The following LSAMP variants were observed in gnomAD, a reference collection of about 807,000 sequenced individuals.
LSAMP encodes limbic system associated membrane protein.
LSAMP carries 7 observed loss-of-function variants against 38.6 expected under a neutral mutation model. The ratio of observed to expected loss-of-function variants is 0.18; its 90% CI spans 0.10 to 0.34. LSAMP has a LOEUF of 0.34. LSAMP is among the 10% of genes least tolerant of loss of function. The pLI is 1.00. For synonymous variants in LSAMP, 154 were observed against 166.8 expected (o/e 0.92, Z 0.59); for missense variants, 313 against 420.0 (o/e 0.75, Z 2.23).
At chr3:116,366,058 A>T (rs2048349205) in intron 1 of LSAMP, among the ~76,000 whole-genome samples, 1 of 145,996 alleles carries the variant, frequency 6.8e-6, no homozygotes, top group African/African-American at 2.5e-5. Flanking sequence ...GCACAGCAAA[A>T]GAAACTATCA....
intron 1 of LSAMP, among the ~76,000 whole-genome samples, chr3:116,139,895 C>G (rs1251099730): frequency 6.6e-6 from 1 of 151,962 alleles, no homozygotes; most frequent in Non-Finnish European, 1.5e-5. Context: ...AGTATCTTGT[C>G]TGTGGTTCTT....
chr3:115,992,729 T>C (rs1403169298), intron 3 of LSAMP, among the ~76,000 whole-genome samples: 1 of 152,120 alleles, frequency 6.6e-6, no homozygotes, highest in Non-Finnish European at 1.5e-5. Flanking sequence ...AGGGTAATAA[T>C]AGAATATATT....
intron 3 of LSAMP, among the ~76,000 whole-genome samples, chr3:115,883,326 A>G (rs1936369948): frequency 6.6e-6 from 1 of 152,012 alleles, no homozygotes. Flanking sequence ...ACAGAAAGGT[A>G]AATAGAAGAA....
At chr3:116,440,211 A>T (rs1410523953) in intron 1 of LSAMP, among the ~76,000 whole-genome samples, 1 of 152,178 alleles carries the variant, frequency 6.6e-6, no homozygotes, top group Non-Finnish European at 1.5e-5. Flanking sequence ...TGGAGGAGGG[A>T]TATCTCTGAG....
intron 1 of LSAMP, among the ~76,000 whole-genome samples, chr3:116,305,859 C>T (rs1205891249): frequency 6.6e-6 from 1 of 151,586 alleles, no homozygotes. Flanking sequence ...TCTCTCATTC[C>T]CCAGTCTGAG....
intron 1 of LSAMP, among the ~76,000 whole-genome samples, chr3:116,422,668 T>C (rs527975510): frequency 2.6e-5 from 4 of 152,312 alleles, no homozygotes; most frequent in Non-Finnish European, 5.9e-5. Context: ...ATTGTGATGA[T>C]GGCTGCAAAA....
At chr3:116,396,457 C>T (rs1489746884) in intron 1 of LSAMP, among the ~76,000 whole-genome samples, 1 of 152,170 alleles carries the variant, frequency 6.6e-6, no homozygotes, top group Non-Finnish European at 1.5e-5. Flanking sequence ...TCTCCCATCT[C>T]TGAAGTGTTA....
intron 1 of LSAMP, among the ~76,000 whole-genome samples, chr3:116,379,703 A>G (rs2048533775): frequency 6.6e-6 from 1 of 152,042 alleles, no homozygotes; most frequent in Non-Finnish European, 1.5e-5. Flanking sequence ...ATATATTTAT[A>G]GGACCAGAGG....
chr3:115,834,615 G>T (rs909563841), intron 6 of LSAMP: 2 of 1,214,926 alleles, frequency 1.6e-6, no homozygotes, highest in African/African-American at 3.2e-5. Flanking sequence ...GGAAAAAATA[G>T]TAATCATCAT....
chr3:116,139,311 GC>G (rs1709322143), intron 1 of LSAMP, among the ~76,000 whole-genome samples: 1 of 151,884 alleles, frequency 6.6e-6, no homozygotes, highest in South Asian at 2.1e-4. Flanking sequence ...TTGATCAGAA[GC>G]TTTTAAGACC....
intron 1 of LSAMP, among the ~76,000 whole-genome samples, chr3:116,131,842 T>C (rs1189491433): frequency 6.6e-6 from 1 of 151,650 alleles, no homozygotes; most frequent in Non-Finnish European, 1.5e-5. Flanking sequence ...CTTTTTTTTT[T>C]TTTGAGATGG....
intron 1 of LSAMP, among the ~76,000 whole-genome samples, chr3:116,241,767 G>C (rs2046538132): frequency 6.6e-6 from 1 of 152,180 alleles, no homozygotes; most frequent in South Asian, 2.1e-4. Flanking sequence ...ATCAGCAAAT[G>C]TTGTCCACTG....
At chr3:115,912,956 T>A (rs1176873005) in intron 3 of LSAMP, among the ~76,000 whole-genome samples, 5 of 152,156 alleles carry the variant, frequency 3.3e-5, no homozygotes, top group Non-Finnish European at 5.9e-5. Context: ...TCTTTTTGGG[T>A]TTGTTTTATA....
intron 3 of LSAMP, among the ~76,000 whole-genome samples, chr3:115,906,894 AGT>A (rs1937020169): frequency 6.6e-6 from 1 of 152,186 alleles, no homozygotes. Flanking sequence ...GAGAATGAGA[AGT>A]ATAACTTTTG....
intron 3 of LSAMP, among the ~76,000 whole-genome samples, chr3:115,948,635 C>T (rs902675735): frequency 1.3e-5 from 2 of 152,002 alleles, no homozygotes; most frequent in Non-Finnish European, 2.9e-5. Flanking sequence ...AAAAACAGTG[C>T]TAAAAGGAAA....
At chr3:116,315,739 T>C (rs1419981486) in intron 1 of LSAMP, among the ~76,000 whole-genome samples, 1 of 152,188 alleles carries the variant, frequency 6.6e-6, no homozygotes, top group Non-Finnish European at 1.5e-5. Context: ...CTCATTTTAT[T>C]CTTTCAATAA....
At chr3:115,981,377 T>C (rs1233440093) in intron 3 of LSAMP, among the ~76,000 whole-genome samples, 2 of 150,138 alleles carry the variant, frequency 1.3e-5, no homozygotes, top group Admixed American at 1.3e-4. Flanking sequence ...TCCTTTTTGT[T>C]GGTTTTGAGC....
chr3:115,901,610 A>T (rs1412920029), intron 3 of LSAMP, among the ~76,000 whole-genome samples: 1 of 152,192 alleles, frequency 6.6e-6, no homozygotes, highest in Non-Finnish European at 1.5e-5. Context: ...AAATCCACTC[A>T]GTAATCGAAG....
intron 4 of LSAMP, among the ~76,000 whole-genome samples, chr3:115,845,426 C>G (rs1157197643): frequency 6.6e-6 from 1 of 152,178 alleles, no homozygotes; most frequent in African/African-American, 2.4e-5. Context: ...ACTATTTACC[C>G]TTGGTCCCCT....
Sources: allele counts gnomAD v4.1 joint callset (sites outside exome capture counted in the v4.1 genomes callset), GRCh38; gene constraint gnomAD v4.1.1; transcripts MANE v1.5; gene names NCBI Gene and HGNC (gene_info 2026-07-23, HGNC 2026-07-21).